ZNF695: variants seen among roughly 807,000 people sequenced by gnomAD.
The protein encoded by ZNF695 is zinc finger protein SBZF3.
In ZNF695, 11 loss-of-function variants were observed where a neutral mutation model predicts 11.2. The ratio of observed to expected loss-of-function variants is 0.98; its 90% confidence interval spans 0.62 to 1.62. The LOEUF is 1.62. Ranked by LOEUF, ZNF695 falls within the 40% of genes most tolerant of loss-of-function variation. ZNF695 has a pLI of 0.00. For synonymous variants in ZNF695, 190 were observed against 201.4 expected, an observed-to-expected ratio of 0.94 and a Z score of 0.48; for missense variants, 559 against 590.5, an observed-to-expected ratio of 0.95 and a Z score of 0.55.
intron 4 of ZNF695, among the ~76,000 whole-genome samples, chr1:246,975,759 C>G (rs1324390858): frequency 6.6e-6 from 1 of 151,858 alleles, no homozygotes; most frequent in African/African-American, 2.4e-5. Context: ...GAGACAGTAT[C>G]AAGAAAATGA....
intron 5 of ZNF695, among the ~76,000 whole-genome samples, chr1:246,952,219 G>A (rs755941728): frequency 2.0e-5 from 3 of 152,204 alleles, no homozygotes; most frequent in Non-Finnish European, 4.4e-5. Context: ...AAAGTGCTGG[G>A]ATTATAGGCG....
rs1041453726 is a variant in ZNF695, at chr1:246,985,561, G to C, written c.*1406C>G. The C allele has an allele frequency of 1.0e-6, 1 of 985,126 alleles. No individual in the cohort carries two copies. Among genetic ancestry groups the C allele is most frequent in the Admixed American group, 6.2e-5 (1 of 16,220 alleles). The allele number at this position is 985,126 out of a possible 1,614,324, so 61.0% of individuals were successfully genotyped here. A position where few individuals can be genotyped will look rare whatever the true frequency, so the allele number is the denominator to read the frequency against. ...AAGGTGAGATAGGTTAACGTTGGTG[G>C]TAGGATACGCATCACTTAATGTACA... On this transcript the variant is annotated 3_prime_UTR_variant, in exon 4 of 4. Coordinates refer to ENST00000339986, the MANE Select transcript of ZNF695 (RefSeq NM_020394.5).
chr1:247,003,414 C>G (rs1326652192), intron 1 of ZNF695, among the ~76,000 whole-genome samples: 1 of 152,010 alleles, frequency 6.6e-6, no homozygotes, highest in Non-Finnish European at 1.5e-5. Flanking sequence ...AACATGGACA[C>G]AAAGAGGGAA....
intron 4 of ZNF695, among the ~76,000 whole-genome samples, chr1:246,969,917 C>A (rs935463914): frequency 2.0e-5 from 3 of 152,168 alleles, no homozygotes; most frequent in African/African-American, 7.2e-5. Flanking sequence ...CCCCCATGAT[C>A]CAATCACCTC....
intron 4 of ZNF695, among the ~76,000 whole-genome samples, chr1:246,970,958 T>C (rs968073593): frequency 4.6e-5 from 7 of 152,130 alleles, no homozygotes; most frequent in African/African-American, 1.4e-4. Flanking sequence ...TTTTTCTCCT[T>C]GTGTGCAGAG....
At chr1:246,999,124 G>A (rs1025078577) in intron 3 of ZNF695, among the ~76,000 whole-genome samples, 3 of 152,024 alleles carry the variant, frequency 2.0e-5, no homozygotes, top group Non-Finnish European at 4.4e-5. Flanking sequence ...TGATTGTGAC[G>A]CTCACTGTAA....
intron 3 of ZNF695, among the ~76,000 whole-genome samples, chr1:246,993,267 C>T (rs7529318): frequency 0.21 from 31,244 of 151,954 alleles, 4,046 homozygotes; most frequent in African/African-American, 0.35. Context: ...ATTAGCCAGG[C>T]ATAGTGGCAC....
At chr1:246,952,027 C>CCA (rs1375861295) in intron 5 of ZNF695, among the ~76,000 whole-genome samples, 8 of 152,204 alleles carry the variant, frequency 5.3e-5, no homozygotes, top group African/African-American at 1.7e-4. Flanking sequence ...TGGCTCATGG[C>CCA]AGCTTTGACC....
intron 5 of ZNF695, among the ~76,000 whole-genome samples, chr1:246,957,364 C>T (rs1288563840): frequency 6.8e-6 from 1 of 148,072 alleles, no homozygotes; most frequent in Non-Finnish European, 1.5e-5. Flanking sequence ...GTCTGGGCAA[C>T]ACAGCGAAAC....
intron 5 of ZNF695, among the ~76,000 whole-genome samples, chr1:246,951,715 C>G (rs962901025): frequency 2.0e-5 from 3 of 152,174 alleles, no homozygotes; most frequent in Admixed American, 6.5e-5. Flanking sequence ...AAGCCAGCTT[C>G]TGTGTGGAAG....
rs56668948 is a variant in ZNF695, at chr1:246,972,798, G to A, written c.391-5006C>T. ...CTCCCAAAGTGCTGGGATTGCAGGCGTGAGCCACTGAGCCCGGCAGCCTCT... is the reference window on the plus strand; with the variant it reads ...CTCCCAAAGTGCTGGGATTGCAGGCATGAGCCACTGAGCCCGGCAGCCTCT... On this transcript the variant is annotated intron_variant, in intron 4 of 5. Transcript: ENST00000487338. Among the ~76,000 whole-genome samples the A allele has an allele frequency of 2.6e-3, 396 of 152,034 alleles. 4 individuals carry two copies. The highest frequency in any genetic ancestry group is 9.1e-3 in the African/African-American group (378 of 41,476).
intron 5 of ZNF695, among the ~76,000 whole-genome samples, chr1:246,946,865 T>G (rs1667746213): frequency 6.6e-6 from 1 of 152,146 alleles, no homozygotes; most frequent in Non-Finnish European, 1.5e-5. Flanking sequence ...GAGTAGGCTG[T>G]GCGCGGTGGC....
At chr1:246,965,754 C>T (rs1026040720) in intron 5 of ZNF695, among the ~76,000 whole-genome samples, 28 of 151,768 alleles carry the variant, frequency 1.8e-4, no homozygotes, top group African/African-American at 2.2e-4. Context: ...GTGCAAAAAA[C>T]GAAGAAAGAA....
intron 5 of ZNF695, among the ~76,000 whole-genome samples, chr1:246,950,583 A>G (rs148856733): frequency 0.018 from 2,615 of 144,856 alleles, 42 homozygotes; most frequent in African/African-American, 0.044. Context: ...CCCGGGAGGC[A>G]GAGGTTGCAG....
chr1:246,984,166 A>C (rs540909438), downstream of ZNF695, among the ~76,000 whole-genome samples: 2 of 150,946 alleles, frequency 1.3e-5, no homozygotes, highest in South Asian at 4.2e-4. Context: ...AAAAAAAAAA[A>C]AAAAGAAGAA....
chr1:246,997,409 A>G (rs555565604), intron 3 of ZNF695, among the ~76,000 whole-genome samples: 4 of 152,112 alleles, frequency 2.6e-5, no homozygotes, highest in East Asian at 1.9e-4. Context: ...AGGCTGAGGC[A>G]GGATAATCTC....
Position 246,987,845 on chromosome 1 carries a change from A to G in ZNF695, c.670T>C (p.Cys224Arg). 2.5e-6 allele frequency: 4 copies of G among 1,611,376 alleles called. No individual in the cohort carries two copies. The highest frequency in any genetic ancestry group is 1.7e-4 in the Middle Eastern group (1 of 6,046). ...CTCTTACAGTCAGTAAAGCATGAGCACTCATTAAAGGCTTTGCCACATTTT... is the reference window on the plus strand; with the variant it reads ...CTCTTACAGTCAGTAAAGCATGAGCGCTCATTAAAGGCTTTGCCACATTTT... Reference protein sequence around the residue: ...CKKCGKAFNECSCFTDCKRIH... With the variant: ...CKKCGKAFNERSCFTDCKRIH... The change falls in exon 4 of 4, where the codon TGC (cysteine) becomes CGC (arginine). Residue 224 changes from cysteine to arginine, a missense_variant. By Grantham distance (180) the Cys-to-Arg change is radical. Transcript: ENST00000339986.
intron 4 of ZNF695, among the ~76,000 whole-genome samples, chr1:246,971,344 T>G (rs947424475): frequency 2.0e-5 from 3 of 151,988 alleles, no homozygotes; most frequent in Admixed American, 6.5e-5. Flanking sequence ...GGGCCAGGAG[T>G]GTGACCGCTG....
Position 246,987,588 on chromosome 1 carries a change from T to C in ZNF695, c.927A>G (p.Pro309=), listed in dbSNP as rs972159851. 9 of 1,598,778 alleles carry C rather than the reference T, an allele frequency of 5.6e-6. No individual in the cohort carries two copies. Among genetic ancestry groups the C allele is most frequent in the South Asian group, 2.3e-5 (2 of 88,102 alleles). ...GAATTCTCTTGTGTTGAGTAAGGTA[T>C]GGGAACAACTTAAAGGATTTGCCAC... The part of the protein sequence containing the change: ...EECGKSFKLF[P]YLTQHKRIHS... Residue 309 remains proline, a synonymous_variant, in exon 4 of 4, where the codon CCA becomes CCG. Transcript: ENST00000339986.
Sources: allele counts gnomAD v4.1 joint callset (sites outside exome capture counted in the v4.1 genomes callset), GRCh38; gene constraint gnomAD v4.1.1; transcripts MANE v1.5; gene names NCBI Gene and HGNC (gene_info 2026-07-23, HGNC 2026-07-21).